Variants in GPR75 observed in about 807,000 individuals in gnomAD.
GPR75 encodes the protein G protein-coupled receptor 75, also known as probable G protein-coupled receptor 75.
In GPR75, 27 loss-of-function variants were observed where a neutral mutation model predicts 26.0. That is an observed-to-expected ratio of 1.04 (90% CI 0.77 to 1.43). The LOEUF (loss-of-function observed/expected upper bound fraction) is 1.43. GPR75 is among the 40% of genes most tolerant of loss of function. The pLI is 0.00. For synonymous variants in GPR75, 285 were observed against 256.3 expected (o/e 1.11, Z -1.07); for missense variants, 699 against 662.3 (o/e 1.06, Z -0.61).
At chr2:53,856,782 T>C (rs916238446) in intron 1 of GPR75, among the ~76,000 whole-genome samples, 1 of 152,226 alleles carries the variant, frequency 6.6e-6, no homozygotes, top group Non-Finnish European at 1.5e-5. Context: ...CCAACTTTTC[T>C]ATACTTTCCT....
intron 1 of GPR75, 128 bp from the exon 2 acceptor site, chr2:53,854,993 A>C: frequency 2.1e-6 from 1 of 478,906 alleles, no homozygotes; most frequent in South Asian, 3.4e-5. Context: ...AGAAAAATTT[A>C]TTCATTTATT....
chr2:53,859,206 C>A (rs1308802733), intron 1 of GPR75, among the ~76,000 whole-genome samples: 2 of 151,800 alleles, frequency 1.3e-5, no homozygotes, highest in African/African-American at 4.8e-5. Context: ...AAAGCCTAAT[C>A]CTCACAGAGA....
chr2:53,857,464 G>A (rs902516543), intron 1 of GPR75, among the ~76,000 whole-genome samples: 1 of 152,070 alleles, frequency 6.6e-6, no homozygotes, highest in African/African-American at 2.4e-5. Flanking sequence ...GAGGGATGCA[G>A]GAATTTGGCC....
chr2:53,859,066 C>G (rs1332245578), intron 1 of GPR75, among the ~76,000 whole-genome samples: 1 of 149,878 alleles, frequency 6.7e-6, no homozygotes, highest in East Asian at 1.9e-4. Flanking sequence ...TCTGATATAT[C>G]TAGTGTGCTG....
chr2:53,859,331 T>C (rs1008174867), intron 1 of GPR75, among the ~76,000 whole-genome samples: 2 of 152,150 alleles, frequency 1.3e-5, no homozygotes, highest in Non-Finnish European at 2.9e-5. Flanking sequence ...TTGCTCTTTC[T>C]ATCCAGTAGA....
chr2:53,854,859 G>T lies in GPR75; in HGVS notation c.-103C>A. 1 of 845,298 alleles carries T rather than the reference G, an allele frequency of 1.2e-6. No homozygotes were observed. The highest frequency in any genetic ancestry group is 1.9e-6 in the Non-Finnish European group (1 of 530,730). The allele number at this position is 845,298 out of a possible 1,614,324, so 52.4% of individuals were successfully genotyped here. On this transcript the variant is annotated 5_prime_UTR_variant, in exon 2 of 2. In the 5' UTR this introduces an upstream ATG that the reference lacks. Transcript: ENST00000394705. ...TATGTGACAAAAGAGGCCCAAGACA[G>T]ATAAGCCTACACACAAAAATGCACA...
At position 53,853,694 on chromosome 2, in the gene GPR75, A is replaced by G. The variant is rs1043321905; in HGVS notation, c.1063T>C (p.Tyr355His). 2 of 1,613,590 alleles carry G rather than the reference A, an allele frequency of 1.2e-6. No individual in the cohort carries two copies. Among genetic ancestry groups the G allele is most frequent in the Admixed American group, 3.3e-5 (2 of 60,028 alleles). ...VLSSNGSFIL[Y>H]QFELFGFTLI... ...GTAAATCCAAACAATTCAAACTGGT[A>G]AAGAATGAAGCTCCCATTGCTGGAG... Residue 355 changes from tyrosine (Y) to histidine (H), a missense_variant, in exon 2 of 2, where the codon TAC (tyrosine) becomes CAC (histidine). Tyr to His is a moderately conservative substitution (Grantham distance 83). Transcript: ENST00000394705.
rs1678166351 is a variant in GPR75 at position 53,854,195 on chromosome 2, G to A, written c.562C>T (p.Leu188Phe). 1 of 1,614,184 alleles carries A rather than the reference G, an allele frequency of 6.2e-7. No homozygotes were observed. Among genetic ancestry groups the A allele is most frequent in the Non-Finnish European group, 8.5e-7 (1 of 1,180,028 alleles). Residue 188 changes from leucine (L) to phenylalanine (F), a missense_variant, in exon 2 of 2, where the codon CTC (leucine) becomes TTC (phenylalanine). By Grantham distance (22) the Leu-to-Phe change is conservative. Coordinates refer to ENST00000394705, the MANE Select transcript of GPR75 (RefSeq NM_006794.4). The stretch of plus-strand genomic sequence containing the variant: ...ATCAGACTGGACATGGGAAGACAGA[G>A]GTGGGACTTGCTGGTTTTCAAGGTA... ...LATLKTSKSH[L>F]CLPMSSLIAG...
chr2:53,854,266 A>C lies in GPR75; in HGVS notation c.491T>G (p.Leu164Arg). Residue 164 changes from leucine to arginine, a missense_variant, in exon 2 of 2, where the codon CTC becomes CGC. By Grantham distance (102) the Leu-to-Arg change is moderately radical. Transcript: ENST00000394705. ...ACTGGTGGCCCAGAGAAGCAGGGTG[A>C]GGAGTACGGTGCAGGGAAAGGAGGC... ...RTASFPCTVL[L>R]TLLLWATSFT... is the part of the protein sequence containing the mutation. 6.2e-7 allele frequency: 1 copy of C among 1,614,084 alleles called. No homozygotes were observed. The highest frequency in any genetic ancestry group is 1.1e-5 in the South Asian group (1 of 91,074).
chr2:53,856,123 G>A (rs780787433), intron 1 of GPR75, among the ~76,000 whole-genome samples: 4 of 152,196 alleles, frequency 2.6e-5, no homozygotes, highest in Non-Finnish European at 5.9e-5. Flanking sequence ...CCAGCATTAC[G>A]CCAGGTGCTA....
At chr2:53,858,880 G>C (rs745807767) in intron 1 of GPR75, among the ~76,000 whole-genome samples, 7 of 152,018 alleles carry the variant, frequency 4.6e-5, no homozygotes, top group Non-Finnish European at 8.8e-5. Flanking sequence ...AAATCAGAAA[G>C]ATTTTAAGCT....
At chr2:53,859,775 G>A in intron 1 of GPR75, 53 bp downstream of exon 1, 1 of 1,389,568 alleles carries the variant, frequency 7.2e-7, no homozygotes, top group Non-Finnish European at 9.7e-7. Flanking sequence ...GCCTCCGGGA[G>A]CCGTCTCCGG....
rs776541164 is a variant in GPR75, at chr2:53,853,749, T to G, written c.1008A>C (p.Pro336=). ...IVLSVLVCCL[P]LGISLVQVVL... The stretch of plus-strand genomic sequence containing the variant: ...CCACCTGTACCAAGGAAATCCCCAG[T>G]GGAAGACAGCACACCAGGACTGACA... The change falls in exon 2 of 2, where the codon CCA becomes CCC. Residue 336 remains proline (P), a synonymous_variant. Transcript: ENST00000394705. 1.2e-6 allele frequency: 2 copies of G among 1,614,146 alleles called. No homozygotes were observed. Among genetic ancestry groups the G allele is most frequent in the Non-Finnish European group, 1.7e-6 (2 of 1,180,026 alleles).
intron 1 of GPR75, among the ~76,000 whole-genome samples, chr2:53,855,667 T>G (rs909430586): frequency 6.6e-5 from 10 of 152,120 alleles, no homozygotes; most frequent in Non-Finnish European, 1.0e-4. Context: ...GGGGTAGGTC[T>G]TTGCAGCAGA....
chr2:53,856,636 C>T (rs1678233123), intron 1 of GPR75, among the ~76,000 whole-genome samples: 1 of 152,226 alleles, frequency 6.6e-6, no homozygotes, highest in African/African-American at 2.4e-5. Context: ...GACTATCAGA[C>T]ATATACCAGT....
chr2:53,854,296 C>G lies in GPR75; in HGVS notation c.461G>C (p.Arg154Pro), dbSNP rs374900687. ...LRMVLGKQPN[R>P]TASFPCTVLL... ...TACGGTGCAGGGAAAGGAGGCCGTG[C>G]GATTAGGCTGTTTCCCCAACACCAT... The change falls in exon 2 of 2, where the codon CGC becomes CCC. Residue 154 changes from arginine to proline, a missense_variant. Transcript: ENST00000394705. 2 of 1,613,910 alleles carry G rather than the reference C, an allele frequency of 1.2e-6. No homozygotes were observed. The highest frequency in any genetic ancestry group is 1.3e-5 in the African/African-American group (1 of 74,956).
At chr2:53,854,942 T>C (rs1014758226) in intron 1 of GPR75, 77 bp from the exon 2 acceptor site, 2 of 588,374 alleles carry the variant, frequency 3.4e-6, no homozygotes, top group African/African-American at 1.9e-5. Flanking sequence ...AGTGATCTCA[T>C]TATTAGTAGT....
rs774426403 is a variant in GPR75, at chr2:53,853,521, T to C, written c.1236A>G (p.Lys412=). Residue 412 remains lysine, a synonymous_variant, in exon 2 of 2, where the codon AAA becomes AAG. Transcript: ENST00000394705. ...TGTTTCTGTTGACTTCGAGGTTCCCTTTTCCCATGGCTCGAAGTCGAGTCT... is the reference window on the plus strand; with the variant it reads ...TGTTTCTGTTGACTTCGAGGTTCCCCTTTCCCATGGCTCGAAGTCGAGTCT... The part of the protein sequence containing the change: ...KQKTRLRAMG[K]GNLEVNRNKS... 4 of 1,614,068 alleles carry C rather than the reference T, an allele frequency of 2.5e-6. No homozygotes were observed. Among genetic ancestry groups the C allele is most frequent in the South Asian group, 2.2e-5 (2 of 91,082 alleles).
chr2:53,857,179 G>C (rs1678253821), intron 1 of GPR75, among the ~76,000 whole-genome samples: 1 of 151,152 alleles, frequency 6.6e-6, no homozygotes, highest in Non-Finnish European at 1.5e-5. Context: ...TTGTTAGCCA[G>C]GATGGTCTCG....
Sources: allele counts gnomAD v4.1 joint callset (sites outside exome capture counted in the v4.1 genomes callset), GRCh38; gene constraint gnomAD v4.1.1; transcripts MANE v1.5; gene names NCBI Gene and HGNC (gene_info 2026-07-23, HGNC 2026-07-21).